The following XAF1 variants were observed in gnomAD, a reference collection of about 807,000 sequenced individuals.
XAF1 encodes the protein XIAP associated factor 1, also known as XIAP-associated factor 1.
A neutral mutation model predicts 32.3 loss-of-function variants in XAF1; 32 were observed. The ratio of observed to expected loss-of-function variants is 0.99; its 90% CI spans 0.75 to 1.33. XAF1 has a LOEUF of 1.33. Ranked by LOEUF, XAF1 falls within the 40% of genes most tolerant of loss-of-function variation. The probability of loss-of-function intolerance (pLI) is 0.00; values close to 1 mark genes in which losing one functional copy is unlikely to be tolerated. For synonymous variants in XAF1, 120 were observed against 125.9 expected, an observed-to-expected ratio of 0.95 and a Z score of 0.31; for missense variants, 379 against 366.0, an observed-to-expected ratio of 1.04 and a Z score of -0.29.
At chr17:6,761,208 G>C (rs1292520811) in intron 4 of XAF1, among the ~76,000 whole-genome samples, 1 of 152,100 alleles carries the variant, frequency 6.6e-6, no homozygotes, top group East Asian at 1.9e-4. Context: ...GGCTTTCTTT[G>C]AGCACCTCTA....
chr17:6,763,183 C>T (rs1025685633), intron 5 of XAF1, among the ~76,000 whole-genome samples: 35 of 152,312 alleles, frequency 2.3e-4, no homozygotes, highest in African/African-American at 8.4e-4. Flanking sequence ...ATGGATTTGT[C>T]TATTCTGGAC....
intron 1 of XAF1, among the ~76,000 whole-genome samples, chr17:6,756,888 G>A (rs985619021): frequency 9.9e-5 from 15 of 152,120 alleles, no homozygotes; most frequent in Admixed American, 3.3e-4. Flanking sequence ...AACTCTTCTC[G>A]TCCCCTGGGC....
intron 3 of XAF1, 178 bp downstream of exon 3, chr17:6,759,896 C>A: frequency 9.4e-7 from 1 of 1,063,702 alleles, no homozygotes; most frequent in Non-Finnish European, 1.4e-6. Context: ...TCCTGTCCCC[C>A]AGATACTGAT....
intron 4 of XAF1, among the ~76,000 whole-genome samples, chr17:6,761,161 A>G (rs574161254): frequency 6.6e-6 from 1 of 152,066 alleles, no homozygotes; most frequent in Non-Finnish European, 1.5e-5. Context: ...TCTCAAAAAA[A>G]AAAGGGGGGG....
intron 5 of XAF1, among the ~76,000 whole-genome samples, chr17:6,768,832 A>G (rs80246061): frequency 0.02 from 3,031 of 152,262 alleles, 112 homozygotes; most frequent in African/African-American, 0.069. Flanking sequence ...TCTGTTCAGA[A>G]CAATGTACTC....
Position 6,762,248 on chromosome 17 carries a change from G to A in XAF1, c.507+8G>A. ...AAGTATTTCCACCATATGGTGAGTAGCACTTAGTAATTTTCTAATGGTGCC... is the reference window on the plus strand; with the variant it reads ...AAGTATTTCCACCATATGGTGAGTAACACTTAGTAATTTTCTAATGGTGCC... On this transcript the variant is annotated splice_region_variant and intron_variant, in intron 5 of 6. Coordinates refer to ENST00000361842, the MANE Select transcript of XAF1 (RefSeq NM_017523.5). 1 of 1,595,620 alleles carries A rather than the reference G, an allele frequency of 6.3e-7. No homozygotes were observed. The highest frequency in any genetic ancestry group is 8.5e-7 in the Non-Finnish European group (1 of 1,170,914).
intron 5 of XAF1, among the ~76,000 whole-genome samples, chr17:6,764,005 C>T (rs1043104049): frequency 6.6e-6 from 1 of 152,158 alleles, no homozygotes; most frequent in African/African-American, 2.4e-5. Context: ...CTTCAAATGT[C>T]CAGCCTGGCA....
intron 4 of XAF1, chr17:6,761,873 T>C (rs1257096912): frequency 3.5e-6 from 5 of 1,439,346 alleles, no homozygotes; most frequent in Non-Finnish European, 4.6e-6. Flanking sequence ...TACAGCTCCA[T>C]TCATCTCCTT....
intron 5 of XAF1, among the ~76,000 whole-genome samples, chr17:6,766,383 C>A (rs936786049): frequency 1.3e-5 from 2 of 152,232 alleles, no homozygotes; most frequent in Admixed American, 6.5e-5. Context: ...AAATACTCTA[C>A]TTTTGCTTTT....
intron 4 of XAF1, 92 bp downstream of exon 4, chr17:6,760,693 G>A (rs185731693): frequency 1.5e-5 from 19 of 1,268,392 alleles, no homozygotes; most frequent in East Asian, 7.4e-5. Context: ...TCAACAGGAC[G>A]GATGACAAGT....
chr17:6,755,930 C>A, upstream of XAF1: 2 of 1,520,814 alleles, frequency 1.3e-6, no homozygotes, highest in Non-Finnish European at 1.8e-6. Flanking sequence ...GAGGGTCCAG[C>A]CTCAGGAATC....
upstream of XAF1, chr17:6,755,512 C>T (rs895464587): frequency 7.1e-6 from 7 of 989,626 alleles, no homozygotes; most frequent in African/African-American, 7.0e-5. Context: ...TCTAAGGACC[C>T]CCAGGAGGAT....
rs1975021037 is a variant in XAF1 at position 6,759,667 on chromosome 17, G to C, written c.174G>C (p.Gly58=). 9 of 1,613,040 alleles carry C rather than the reference G, an allele frequency of 5.6e-6. No homozygotes were observed. The highest frequency in any genetic ancestry group is 7.6e-6 in the Non-Finnish European group (9 of 1,179,992). The change falls in exon 3 of 7, where the codon GGG becomes GGC. Residue 58 remains glycine, a synonymous_variant. Coordinates refer to ENST00000361842, the MANE Select transcript of XAF1 (RefSeq NM_017523.5). ...EHCKLEHQQV[G]CTMCQQSMQK... ...GTGTGTGTGTGTGTGTTTAGGTTGGGTGTACGATGTGTCAGCAGAGCATGC... is the reference window on the plus strand; with the variant it reads ...GTGTGTGTGTGTGTGTTTAGGTTGGCTGTACGATGTGTCAGCAGAGCATGC...
rs143063353 is a variant in XAF1, at chr17:6,760,695, A to G, written c.421+94A>G. On this transcript the variant is annotated intron_variant, in intron 4 of 6. Coordinates refer to ENST00000361842, the MANE Select transcript of XAF1 (RefSeq NM_017523.5). Reference sequence around the variant, plus strand: ...GGAAGGGAAGCTCTCAACAGGACGGATGACAAGTGTATTTGCTGTATAGAT... The same window carrying G: ...GGAAGGGAAGCTCTCAACAGGACGGGTGACAAGTGTATTTGCTGTATAGAT... 5.7e-4 allele frequency: 716 copies of G among 1,250,220 alleles called. 4 individuals carry two copies. In the African/African-American group the frequency reaches 0.01, roughly 18 times the overall value. 77.4% of individuals were successfully genotyped at this position (1,250,220 alleles called of 1,614,324 possible).
chr17:6,762,687 G>A lies in XAF1; in HGVS notation c.507+447G>A, dbSNP rs139218038. 6.6e-3 allele frequency among the ~76,000 whole-genome samples: 1,009 copies of A among 152,310 alleles called. 12 individuals are homozygous for A. The highest frequency in any genetic ancestry group is 0.023 in the African/African-American group (955 of 41,562). On this transcript the variant is annotated intron_variant, in intron 5 of 6. Transcript: ENST00000361842. Reference sequence around the variant, plus strand: ...GAGGACTCTGTAGAGGCGCAGTTACGTGATTGACTGACTGACTGATTTTGC... The same window carrying A: ...GAGGACTCTGTAGAGGCGCAGTTACATGATTGACTGACTGACTGATTTTGC...
intron 4 of XAF1, chr17:6,761,952 G>A (rs772210984): frequency 8.5e-6 from 13 of 1,524,342 alleles, no homozygotes; most frequent in African/African-American, 1.4e-5. Flanking sequence ...GCACATCTGT[G>A]GCCATAAAGG....
chr17:6,756,992 CTTTT>C (rs35781742), intron 1 of XAF1, among the ~76,000 whole-genome samples: 22 of 134,750 alleles, frequency 1.6e-4, no homozygotes, highest in African/African-American at 5.1e-4. Flanking sequence ...CTTTCTTCTT[CTTTT>C]TTTTTTTTTT....
At position 6,758,345 on chromosome 17, in the gene XAF1, G is replaced by A. The variant is rs1567645501; in HGVS notation, c.168+121G>A. On this transcript the variant is annotated intron_variant, in intron 2 of 6. Transcript: ENST00000361842. ...GTCTAGTCCTCCCTGCAGGTGAGAT[G>A]GGGTCTGGGAGTCAAGGCAAGTGTT... The A allele has an allele frequency of 1.2e-5, 18 of 1,443,214 alleles. No individual in the cohort carries two copies. In the East Asian group the frequency reaches 2.0e-4, roughly 16 times the overall value. The allele number at this position is 1,443,214 out of a possible 1,614,324, so 89.4% of individuals were successfully genotyped here.
At chr17:6,769,716 G>A (rs1452453925) in intron 5 of XAF1, among the ~76,000 whole-genome samples, 5 of 152,104 alleles carry the variant, frequency 3.3e-5, no homozygotes, top group Non-Finnish European at 7.4e-5. Flanking sequence ...GAGGAATTTT[G>A]TGATTGCTTC....
Sources: gnomAD v4.1 joint callset for allele counts (sites outside exome capture counted in the v4.1 genomes callset) on GRCh38, gnomAD v4.1.1 for gene constraint, MANE v1.5 for transcripts, NCBI Gene and HGNC (gene_info 2026-07-23, HGNC 2026-07-21) for gene names.